The following PGF variants were observed in gnomAD, a reference collection of about 807,000 sequenced individuals.
The protein encoded by PGF is placenta growth factor.
PGF carries 11 observed loss-of-function variants against 25.3 expected under a neutral mutation model. That is an observed-to-expected ratio of 0.43 (90% confidence interval 0.27 to 0.72). The LOEUF is 0.72. Among genes scored for constraint, PGF ranks in the 30% least tolerant of loss-of-function variants. The pLI, the probability that PGF is intolerant of heterozygous loss-of-function variation, is 0.18. For synonymous variants in PGF, 105 were observed against 97.9 expected (o/e 1.07, Z -0.43); for missense variants, 230 against 234.9 (o/e 0.98, Z 0.14).
chr14:74,949,385 G>C lies in PGF; in HGVS notation c.287C>G (p.Pro96Arg). Reference protein sequence around the residue: ...CCGDENLHCVPVETANVTMQL... With the variant: ...CCGDENLHCVRVETANVTMQL... ...CATGGTGACATTGGCCGTCTCCACC[G>C]GCACACAGTGCAGATTCTCATCGCC... is the stretch of plus-strand genomic sequence containing the variant. The change falls in exon 3 of 7, where the codon CCG (proline) becomes CGG (arginine). Residue 96 changes from proline (P) to arginine (R), a missense_variant. Physicochemically the swap from Pro to Arg is moderately radical, Grantham distance 103. Coordinates refer to ENST00000555567, the MANE Select transcript of PGF (RefSeq NM_002632.6). 6 of 1,588,796 alleles carry C rather than the reference G, an allele frequency of 3.8e-6. No homozygotes were observed. The highest frequency in any genetic ancestry group is 5.1e-6 in the Non-Finnish European group (6 of 1,167,302).
At chr14:74,951,819 C>G (rs577491701) in intron 2 of PGF, among the ~76,000 whole-genome samples, 7 of 152,168 alleles carry the variant, frequency 4.6e-5, no homozygotes, top group African/African-American at 1.7e-4. Flanking sequence ...TACCTGGCAG[C>G]CACCAGGAAA....
chr14:74,943,704 A>G (rs1449954625), intron 6 of PGF, among the ~76,000 whole-genome samples: 1 of 152,246 alleles, frequency 6.6e-6, no homozygotes, highest in East Asian at 1.9e-4. Context: ...ACTAATTGAA[A>G]CGAGGTAGCC....
At chr14:74,946,904 C>T (rs1295555158) in intron 4 of PGF, 2 of 752,570 alleles carry the variant, frequency 2.7e-6, no homozygotes, top group Non-Finnish European at 2.4e-6. Flanking sequence ...AGCATCAGCC[C>T]TGAAGTCACC....
chr14:74,948,280 T>C (rs924512585), intron 4 of PGF: 3 of 449,846 alleles, frequency 6.7e-6, no homozygotes, highest in African/African-American at 6.0e-5. Flanking sequence ...TCAACAGCTG[T>C]ACCCCAGCTG....
Position 74,949,953 on chromosome 14 carries a change from T to C in PGF, c.119-400A>G, listed in dbSNP as rs767279198. Among the ~76,000 whole-genome samples the C allele has an allele frequency of 5.6e-4, 85 of 151,870 alleles. 1 individual carries two copies. Among genetic ancestry groups the C allele is most frequent in the Non-Finnish European group, 1.1e-3 (76 of 67,990 alleles). On this transcript the variant is annotated intron_variant, in intron 2 of 6. Coordinates refer to ENST00000555567, the MANE Select transcript of PGF (RefSeq NM_002632.6). ...CATTCCTGGAGTCATGCAGGGAGGGTTGGCCTTCCCTTATTCCTCTGCTCA... is the reference window on the plus strand; with the variant it reads ...CATTCCTGGAGTCATGCAGGGAGGGCTGGCCTTCCCTTATTCCTCTGCTCA...
Position 74,953,876 on chromosome 14 carries a change from A to C in PGF, c.118+28T>G, listed in dbSNP as rs1888925785. The C allele has an allele frequency of 6.2e-7, 1 of 1,610,196 alleles. No individual in the cohort carries two copies. The highest frequency in any genetic ancestry group is 8.5e-7 in the Non-Finnish European group (1 of 1,176,776). ...AAAGGAAGAGAGGGGCTTGGGGAGC[A>C]TGCGTACCCCCAGCCTGGCCAGCTT... is the stretch of plus-strand genomic sequence containing the variant. On this transcript the variant is annotated intron_variant, in intron 2 of 6. Coordinates refer to ENST00000555567, the MANE Select transcript of PGF (RefSeq NM_002632.6). This position sits in a 1 kb window ranked among gnomAD's most constrained non-coding sequence, Gnocchi z 5.4.
At chr14:74,945,264 A>G (rs993554328) in intron 6 of PGF, 6 of 152,244 alleles carry the variant, frequency 3.9e-5, no homozygotes, top group Non-Finnish European at 8.8e-5. Flanking sequence ...AAATGTCTGA[A>G]GACTGCTGCC....
chr14:74,953,317 T>A lies in PGF; in HGVS notation c.118+587A>T, dbSNP rs574175216. Among the ~76,000 whole-genome samples the A allele has an allele frequency of 2.2e-4, 33 of 152,334 alleles. No individual in the cohort carries two copies. Among genetic ancestry groups the A allele is most frequent in the Non-Finnish European group, 4.6e-4 (31 of 68,008 alleles). On this transcript the variant is annotated intron_variant, in intron 2 of 6. Transcript: ENST00000555567. The surrounding 1 kb of genome is among the most constrained non-coding windows in gnomAD (Gnocchi z 5.4). The stretch of plus-strand genomic sequence containing the variant: ...CGAGGTAGGGGGCCTGGCATGGGCC[T>A]CCTGCCTTCTGTACATATGTCTCTT...
upstream of PGF, chr14:74,955,727 G>C (rs1186299551): frequency 6.6e-6 from 1 of 152,192 alleles, no homozygotes; most frequent in Non-Finnish European, 1.5e-5. This position sits in a 1 kb window ranked among gnomAD's most constrained non-coding sequence, Gnocchi z 4.1. Context: ...GCAGCGCCCG[G>C]CCAGCCCGCA....
chr14:74,950,819 C>G lies in PGF; in HGVS notation c.119-1266G>C, dbSNP rs1027751029. ...CAGAGACCATGGACAGAGAAACACC[C>G]CCAGGCCTGGGTCATCCTGCTCTGC... is the stretch of plus-strand genomic sequence containing the variant. On this transcript the variant is annotated intron_variant, in intron 2 of 6. Coordinates refer to ENST00000555567, the MANE Select transcript of PGF (RefSeq NM_002632.6). The surrounding 1 kb of genome is among the most constrained non-coding windows in gnomAD (Gnocchi z 4.1). Among the ~76,000 whole-genome samples the G allele has an allele frequency of 3.9e-5, 6 of 152,152 alleles. No homozygotes were observed. The highest frequency in any genetic ancestry group is 2.6e-4 in the Admixed American group (4 of 15,284).
At chr14:74,948,339 A>G in intron 4 of PGF, 168 bp downstream of exon 4, 1 of 493,764 alleles carries the variant, frequency 2.0e-6, no homozygotes, top group Non-Finnish European at 3.7e-6. Context: ...GACAAAATGA[A>G]TGGTAGCCAC....
In PGF at chr14:74,942,674, G is replaced by A. The variant is rs1430321904; in HGVS notation, c.*32C>T. 26 of 1,607,868 alleles carry A rather than the reference G, an allele frequency of 1.6e-5. No homozygotes were observed. The East Asian group carries it at 3.6e-4, about 22-fold the overall frequency. ...TGTGACGGTAATAAATACACGAGCC[G>A]GGTGCGGGGTCTCTCTCCTCCAAGG... is the stretch of plus-strand genomic sequence containing the variant. On this transcript the variant is annotated 3_prime_UTR_variant, in exon 7 of 7. Coordinates refer to ENST00000555567, the MANE Select transcript of PGF (RefSeq NM_002632.6).
In PGF at chr14:74,942,538, C is replaced by T; in HGVS notation, c.*168G>A. 1.5e-6 allele frequency: 1 copy of T among 684,372 alleles called. No homozygotes were observed. Among genetic ancestry groups the T allele is most frequent in the Non-Finnish European group, 2.6e-6 (1 of 387,008 alleles). 42.4% of individuals were successfully genotyped at this position (684,372 alleles called of 1,614,324 possible). ...CTCACGTTGTTGAAGGCACTGAATT[C>T]CTGAGGGTCCTGTCCTTCCCTGCCC... is the stretch of plus-strand genomic sequence containing the variant. On this transcript the variant is annotated 3_prime_UTR_variant, in exon 7 of 7. Coordinates refer to ENST00000555567, the MANE Select transcript of PGF (RefSeq NM_002632.6).
chr14:74,948,599 G>T lies in PGF; in HGVS notation c.316-16C>A, dbSNP rs202102842. The T allele has an allele frequency of 1.1e-4, 175 of 1,576,166 alleles. 2 individuals carry two copies. In the Middle Eastern group the frequency reaches 1.7e-3, roughly 15 times the overall value. ...TCTTTAGGAGCTGAAGGAAGAAAGA[G>T]TTGATGCCTGGATTGGGGAGTGGCC... On this transcript the variant is annotated splice_polypyrimidine_tract_variant and intron_variant, in intron 3 of 6. Transcript: ENST00000555567.
intron 6 of PGF, among the ~76,000 whole-genome samples, chr14:74,944,300 C>T (rs572677693): frequency 6.6e-6 from 1 of 151,776 alleles, no homozygotes; most frequent in African/African-American, 2.4e-5. Context: ...GATGGGGTTT[C>T]ACCATGTTAG....
Position 74,953,815 on chromosome 14 carries a change from T to C in PGF, c.118+89A>G, listed in dbSNP as rs1888924471. The C allele has an allele frequency of 2.3e-6, 3 of 1,328,444 alleles. No individual in the cohort carries two copies. Among genetic ancestry groups the C allele is most frequent in the Admixed American group, 3.4e-5 (2 of 59,592 alleles). 82.3% of individuals were successfully genotyped at this position (1,328,444 alleles called of 1,614,324 possible). On this transcript the variant is annotated intron_variant, in intron 2 of 6. Transcript: ENST00000555567. The surrounding 1 kb of genome is among the most constrained non-coding windows in gnomAD (Gnocchi z 5.4). ...AGGCTCTCCCCAGCTTTTATCAACC[T>C]GCACCCACGCTTCATGCCACACCTG... is the stretch of plus-strand genomic sequence containing the variant.
Position 74,946,401 on chromosome 14 carries a change from G to T in PGF, c.400C>A (p.Arg134=). ...QHVRCECRPL[R]EKMKPERRRP... ...TACCTTTCCGGCTTCATCTTCTCCC[G>T]CAGAGGCCTAGGGAAACAGACAGAG... is the stretch of plus-strand genomic sequence containing the variant. Residue 134 remains arginine (R), a synonymous_variant, in exon 5 of 7, where the codon CGG becomes AGG. Transcript: ENST00000555567. The T allele has an allele frequency of 6.2e-7, 1 of 1,610,414 alleles. No individual in the cohort carries two copies. The highest frequency in any genetic ancestry group is 8.5e-7 in the Non-Finnish European group (1 of 1,177,810).
chr14:74,943,693 C>A (rs1304747406), intron 6 of PGF, among the ~76,000 whole-genome samples: 1 of 152,220 alleles, frequency 6.6e-6, no homozygotes, highest in East Asian at 1.9e-4. Context: ...TGGATTCATT[C>A]ACTAATTGAA....
intron 6 of PGF, chr14:74,944,787 A>T (rs1335626997): frequency 1.3e-5 from 2 of 152,060 alleles, no homozygotes; most frequent in African/African-American, 4.8e-5. Flanking sequence ...GCCTCAAGCG[A>T]TCCACTCGCC....
Sources: allele counts gnomAD v4.1 joint callset (sites outside exome capture counted in the v4.1 genomes callset), GRCh38; gene constraint gnomAD v4.1.1; non-coding constraint Gnocchi (gnomAD v3.1); transcripts MANE v1.5; gene names NCBI Gene and HGNC (gene_info 2026-07-23, HGNC 2026-07-21).